SNED1: variants seen among roughly 807,000 people sequenced by gnomAD.
SNED1 encodes sushi, nidogen and EGF like domains 1, also known as sushi, nidogen and EGF-like domain-containing protein 1.
In SNED1, 81 loss-of-function variants were observed where a neutral mutation model predicts 166.7. That is an observed-to-expected ratio of 0.49 (90% confidence interval 0.41 to 0.58). SNED1 has a LOEUF of 0.58. Among genes scored for constraint, SNED1 ranks in the 20% least tolerant of loss-of-function variants. The pLI, the probability that SNED1 is intolerant of heterozygous loss-of-function variation, is 0.00. For synonymous variants in SNED1, 762 were observed against 822.0 expected (o/e 0.93, Z 1.25); for missense variants, 1,604 against 2,000.2 (o/e 0.80, Z 3.78).
intron 16 of SNED1, among the ~76,000 whole-genome samples, chr2:241,054,175 C>T (rs903845203): frequency 2.6e-5 from 4 of 152,158 alleles, no homozygotes; most frequent in East Asian, 1.9e-4. Flanking sequence ...GATGACCCCC[C>T]CTCCCAATGC....
At chr2:241,033,691 C>T in intron 2 of SNED1, 44 bp from the exon 3 acceptor site, 2 of 1,584,148 alleles carry the variant, frequency 1.3e-6, no homozygotes, top group Non-Finnish European at 1.7e-6. Context: ...CTTCCCTGGG[C>T]CAAGGGGAGT....
At chr2:241,028,497 T>A (rs77488013) in intron 1 of SNED1, among the ~76,000 whole-genome samples, 4,116 of 152,320 alleles carry the variant, frequency 0.027, 80 homozygotes, top group Non-Finnish European at 0.041. Flanking sequence ...AACTTCATCC[T>A]TTTGTATGTG....
intron 1 of SNED1, among the ~76,000 whole-genome samples, chr2:241,015,048 C>T (rs1377593505): frequency 6.6e-6 from 1 of 152,138 alleles, no homozygotes; most frequent in African/African-American, 2.4e-5. Context: ...TAGAACAAGC[C>T]CTTCCACCTT....
intron 8 of SNED1, 61 bp downstream of exon 8, chr2:241,040,474 C>A: frequency 9.7e-7 from 1 of 1,035,880 alleles, no homozygotes; most frequent in Non-Finnish European, 1.4e-6. Context: ...CGTGAACACC[C>A]CCATAGCCAC....
At chr2:241,005,692 T>A (rs1574838801) in intron 1 of SNED1, among the ~76,000 whole-genome samples, 1 of 152,272 alleles carries the variant, frequency 6.6e-6, no homozygotes, top group East Asian at 1.9e-4. Flanking sequence ...ATTTTGTTTG[T>A]GTTTTAAATT....
chr2:241,062,779 C>A lies in SNED1; in HGVS notation c.2258-12C>A. ...GGCCACATTGCTTTATTCTTGGGCTCTCTCCTCTCAGAAATCGATGAGTGC... is the reference window on the plus strand; with the variant it reads ...GGCCACATTGCTTTATTCTTGGGCTATCTCCTCTCAGAAATCGATGAGTGC... On this transcript the variant is annotated splice_polypyrimidine_tract_variant and intron_variant, in intron 16 of 31. Transcript: ENST00000310397. The A allele has an allele frequency of 6.3e-7, 1 of 1,590,640 alleles. No homozygotes were observed. Among genetic ancestry groups the A allele is most frequent in the Non-Finnish European group, 8.6e-7 (1 of 1,163,994 alleles).
At chr2:241,010,980 G>A (rs1006193742) in intron 1 of SNED1, among the ~76,000 whole-genome samples, 1 of 152,126 alleles carries the variant, frequency 6.6e-6, no homozygotes, top group Non-Finnish European at 1.5e-5. Context: ...CTGGAGTTCT[G>A]GGGGATGCAG....
chr2:241,004,118 C>T (rs2060150528), intron 1 of SNED1, among the ~76,000 whole-genome samples: 1 of 152,174 alleles, frequency 6.6e-6, no homozygotes, highest in Non-Finnish European at 1.5e-5. Context: ...ACAAAATGAT[C>T]CCCACATCCC....
chr2:241,087,750 T>A, intron 30 of SNED1: 1 of 1,239,686 alleles, frequency 8.1e-7, no homozygotes, highest in Non-Finnish European at 1.0e-6. Context: ...GTGCTACAAT[T>A]GGGAAGCACA....
Position 240,999,561 on chromosome 2 carries a change from C to T in SNED1, c.213+511C>T, listed in dbSNP as rs558777750. ...CTTGCCCAGGCGCTCAGGGCAGGGC[C>T]TGCTTCTTCGCTGACCCTCCTAGGC... On this transcript the variant is annotated intron_variant, in intron 1 of 31. Transcript: ENST00000310397. The surrounding 1 kb of genome is among the most constrained non-coding windows in gnomAD (Gnocchi z 5.8). 1.3e-5 allele frequency among the ~76,000 whole-genome samples: 2 copies of T among 152,336 alleles called. No homozygotes were observed. The highest frequency in any genetic ancestry group is 2.9e-5 in the Non-Finnish European group (2 of 68,016).
At chr2:241,000,018 C>G (rs1272427000) in intron 1 of SNED1, among the ~76,000 whole-genome samples, 3 of 152,148 alleles carry the variant, frequency 2.0e-5, no homozygotes, top group Non-Finnish European at 4.4e-5. Context: ...CCACTGCCAG[C>G]CACATCGCCT....
chr2:241,065,577 G>A lies in SNED1; in HGVS notation c.2992G>A (p.Val998Met), dbSNP rs199901656. 934 of 1,612,258 alleles carry A rather than the reference G, an allele frequency of 5.8e-4. 6 individuals are homozygous for A. Among genetic ancestry groups the A allele is most frequent in the South Asian group, 3.8e-3 (344 of 91,040 alleles). Reference sequence around the variant, plus strand: ...CAAGAATGACATCAGCAGGCCTGCCGTGCTGCTGGCCCGCACGCGTGAGTG... The same window carrying A: ...CAAGAATGACATCAGCAGGCCTGCCATGCTGCTGGCCCGCACGCGTGAGTG... ...NNKNDISRPA[V>M]LLARTRPRPV... The change falls in exon 21 of 32, where the codon GTG becomes ATG. Residue 998 changes from valine to methionine, a missense_variant. This residue lies in a region of SNED1 where 1,237 missense variants were observed against 1,620.8 expected (regional missense o/e 0.76). Transcript: ENST00000310397.
chr2:241,086,876 C>T (rs572140135), intron 29 of SNED1, among the ~76,000 whole-genome samples: 4 of 152,204 alleles, frequency 2.6e-5, no homozygotes, highest in African/African-American at 7.2e-5. Context: ...TACCTGCAAC[C>T]GAGGCTTAAA....
chr2:241,084,726 T>A (rs1222073408), intron 29 of SNED1, among the ~76,000 whole-genome samples: 2 of 152,198 alleles, frequency 1.3e-5, no homozygotes, highest in Admixed American at 6.5e-5. Flanking sequence ...CACTCTTCAT[T>A]CCTTTTTGTA....
At chr2:241,016,458 AGTGCT>A (rs1045291631) in intron 1 of SNED1, among the ~76,000 whole-genome samples, 7 of 151,532 alleles carry the variant, frequency 4.6e-5, no homozygotes, top group Admixed American at 2.7e-4. Context: ...GGCCTCCCAA[AGTGCT>A]GGGATTACAG....
rs770938401 is a variant in SNED1, at chr2:241,065,463, A to G, written c.2878A>G (p.Arg960Gly). 1.6e-5 allele frequency: 26 copies of G among 1,612,904 alleles called. No homozygotes were observed. In the African/African-American group the frequency reaches 2.4e-4, roughly 15 times the overall value. Reference protein sequence around the residue: ...GSYRRTDFVDRTRSSHQLQAL... With the variant: ...GSYRRTDFVDGTRSSHQLQAL... Reference sequence around the variant, plus strand: ...CTACCGCCGCACAGACTTTGTGGACAGGACCCGCTCCTCGCACCAGCTCCA... The same window carrying G: ...CTACCGCCGCACAGACTTTGTGGACGGGACCCGCTCCTCGCACCAGCTCCA... The change falls in exon 21 of 32, where the codon AGG becomes GGG. Residue 960 changes from arginine (R) to glycine (G), a missense_variant. By Grantham distance (125) the Arg-to-Gly change is moderately radical. Around this residue, in one of 2 missense-constraint regions of SNED1, gnomAD observed 1,237 missense variants for 1,620.8 expected, o/e 0.76. Transcript: ENST00000310397.
rs1282780906 is a variant in SNED1, at chr2:241,053,167, C to A, written c.2098C>A (p.Pro700Thr). The change falls in exon 16 of 32, where the codon CCC becomes ACC. Residue 700 changes from proline to threonine, a missense_variant. By Grantham distance (38) the Pro-to-Thr change is conservative. Transcript: ENST00000310397. ...RRCQAEVDCG[P>T]PEEVKHATLR... ...GTGCCTTGCAGAGGTGGACTGCGGCCCCCCGGAGGAGGTGAAGCACGCCAC... is the reference window on the plus strand; with the variant it reads ...GTGCCTTGCAGAGGTGGACTGCGGCACCCCGGAGGAGGTGAAGCACGCCAC... The A allele has an allele frequency of 3.7e-6, 6 of 1,610,412 alleles. No individual in the cohort carries two copies. In the East Asian group the frequency reaches 1.3e-4, roughly 36 times the overall value.
At chr2:241,039,044 C>T (rs994319571) in intron 6 of SNED1, among the ~76,000 whole-genome samples, 18 of 152,314 alleles carry the variant, frequency 1.2e-4, no homozygotes, top group Non-Finnish European at 2.2e-4. Flanking sequence ...GGCCTCGGAC[C>T]GTGAGCCTTC....
At chr2:241,033,974 G>T in intron 3 of SNED1, 99 bp downstream of exon 3, 1 of 1,422,852 alleles carries the variant, frequency 7.0e-7, no homozygotes, top group East Asian at 2.5e-5. Context: ...ACCATAGGCA[G>T]ATCCCCCAGT....
Sources: allele counts gnomAD v4.1 joint callset (sites outside exome capture counted in the v4.1 genomes callset), GRCh38; gene constraint gnomAD v4.1.1; regional missense constraint gnomAD v4.1.1; non-coding constraint Gnocchi (gnomAD v3.1); transcripts MANE v1.5; gene names NCBI Gene and HGNC (gene_info 2026-07-23, HGNC 2026-07-21).